CYTL1: variants seen among roughly 807,000 people sequenced by gnomAD.
The protein encoded by CYTL1 is cytokine-like protein 1.
A neutral mutation model predicts 13.1 loss-of-function variants in CYTL1; 17 were observed. The ratio of observed to expected loss-of-function variants is 1.29; its 90% confidence interval spans 0.89 to 1.94. The LOEUF is 1.94. CYTL1 is among the 30% of genes most tolerant of loss of function. The pLI, the probability that CYTL1 is intolerant of heterozygous loss-of-function variation, is 0.00. For synonymous variants in CYTL1, 91 were observed against 79.4 expected (o/e 1.15, Z -0.78); for missense variants, 213 against 174.8 (o/e 1.22, Z -1.23).
At position 5,016,723 on chromosome 4, in the gene CYTL1, C is replaced by T. The variant is rs987290441; in HGVS notation, c.327+113G>A. Reference sequence around the variant, plus strand: ...TTGTGAACTGAAAGCATCTGCGAAACATCTCTGCTCCTCTTCCTTGTCACC... The same window carrying T: ...TTGTGAACTGAAAGCATCTGCGAAATATCTCTGCTCCTCTTCCTTGTCACC... On this transcript the variant is annotated intron_variant, in intron 3 of 3. Coordinates refer to ENST00000307746, the MANE Select transcript of CYTL1 (RefSeq NM_018659.3). 33 of 1,349,442 alleles carry T rather than the reference C, an allele frequency of 2.4e-5. 1 individual carries two copies. In the South Asian group the frequency reaches 4.0e-4, roughly 16 times the overall value. The allele number at this position is 1,349,442 out of a possible 1,614,324, so 83.6% of individuals were successfully genotyped here.
Position 5,015,077 on chromosome 4 carries a change from G to T in CYTL1, c.*74C>A. On this transcript the variant is annotated 3_prime_UTR_variant, in exon 4 of 4. Transcript: ENST00000307746. ...CTAACACAAGACCTGTGAGGGTCATGGCTCTGGCCCATTAAGTCTGGGTAG... is the reference window on the plus strand; with the variant it reads ...CTAACACAAGACCTGTGAGGGTCATTGCTCTGGCCCATTAAGTCTGGGTAG... The T allele has an allele frequency of 8.3e-7, 1 of 1,201,482 alleles. No homozygotes were observed. Among genetic ancestry groups the T allele is most frequent in the Non-Finnish European group, 1.2e-6 (1 of 809,946 alleles). The allele number at this position is 1,201,482 out of a possible 1,614,324, so 74.4% of individuals were successfully genotyped here. A position where few individuals can be genotyped will look rare whatever the true frequency, so the allele number is the denominator to read the frequency against.
At chr4:5,018,339 T>C (rs751094665) in intron 1 of CYTL1, among the ~76,000 whole-genome samples, 1 of 152,208 alleles carries the variant, frequency 6.6e-6, no homozygotes, top group Non-Finnish European at 1.5e-5. Context: ...TTTTCTTCTT[T>C]GTACTTTATT....
In CYTL1 at chr4:5,015,176, G is replaced by T; in HGVS notation, c.386C>A (p.Thr129Lys). Residue 129 changes from threonine (T) to lysine (K), a missense_variant, in exon 4 of 4, where the codon ACG becomes AAG. Physicochemically the swap from Thr to Lys is moderately conservative, Grantham distance 78 (BLOSUM62 -1). Coordinates refer to ENST00000307746, the MANE Select transcript of CYTL1 (RefSeq NM_018659.3). ...NALEYPIPVT[T>K]VLPDRQR ...TTAGCGCTGACGATCTGGCAGGACC[G>T]TAGTCACTGGGATTGGGTATTCCAA... is the stretch of plus-strand genomic sequence containing the variant. 2 of 1,613,860 alleles carry T rather than the reference G, an allele frequency of 1.2e-6. No individual in the cohort carries two copies. Among genetic ancestry groups the T allele is most frequent in the Non-Finnish European group, 1.7e-6 (2 of 1,179,868 alleles).
rs374634052 is a variant in CYTL1, at chr4:5,015,142, T to A, written c.*9A>T. 30 of 1,612,762 alleles carry A rather than the reference T, an allele frequency of 1.9e-5. No individual in the cohort carries two copies. The African/African-American group carries it at 2.3e-4, about 12-fold the overall frequency. ...GTTCTCTTGGGTTCTTTCTCTGGTC[T>A]CAGTTCCCTTAGCGCTGACGATCTG... On this transcript the variant is annotated 3_prime_UTR_variant, in exon 4 of 4. Coordinates refer to ENST00000307746, the MANE Select transcript of CYTL1 (RefSeq NM_018659.3).
Position 5,019,345 on chromosome 4 carries a change from A to C in CYTL1, c.101T>G (p.Leu34Arg). 2.6e-6 allele frequency: 4 copies of C among 1,511,576 alleles called. No homozygotes were observed. The South Asian group carries it at 5.2e-5, about 20-fold the overall frequency. 93.6% of individuals were successfully genotyped at this position (1,511,576 alleles called of 1,614,324 possible). The change falls in exon 1 of 4, where the codon CTG becomes CGG. Residue 34 changes from leucine (L) to arginine (R), a missense_variant. By Grantham distance (102) the Leu-to-Arg change is moderately radical (BLOSUM62 -2). Transcript: ENST00000307746. Reference sequence around the variant, plus strand: ...GAAGTCGCGGGTGATCTCCTGGCTCAGGGCCCGCATGCGGGAGTAGCAGGT... The same window carrying C: ...GAAGTCGCGGGTGATCTCCTGGCTCCGGGCCCGCATGCGGGAGTAGCAGGT... ...PPTCYSRMRA[L>R]SQEITRDFNL...
chr4:5,017,328 T>TAG, intron 1 of CYTL1, 149 bp from the exon 2 acceptor site: 1 of 631,674 alleles, frequency 1.6e-6, no homozygotes, highest in Non-Finnish European at 2.7e-6. Flanking sequence ...TCTTGTGTCA[T>TAG]ACGTCACACT....
intron 1 of CYTL1, 55 bp from the exon 2 acceptor site, chr4:5,017,234 A>C (rs1180998635): frequency 6.3e-7 from 1 of 1,578,392 alleles, no homozygotes; most frequent in Non-Finnish European, 8.6e-7. Context: ...CCTGGTCACA[A>C]AAGTCTCCCT....
intron 3 of CYTL1, among the ~76,000 whole-genome samples, chr4:5,015,790 T>G (rs1282947660): frequency 6.6e-6 from 1 of 152,138 alleles, no homozygotes. Context: ...CTAGGCATGG[T>G]GCTAGCAATT....
At chr4:5,016,258 C>A (rs1446389358) in intron 3 of CYTL1, among the ~76,000 whole-genome samples, 2 of 152,212 alleles carry the variant, frequency 1.3e-5, no homozygotes, top group South Asian at 2.1e-4. Flanking sequence ...GACTACCCCC[C>A]AGCCTCCTCC....
At position 5,014,829 on chromosome 4, in the gene CYTL1, T is replaced by C. The variant is rs1385938401; in HGVS notation, c.*322A>G. 1 of 319,998 alleles carries C rather than the reference T, an allele frequency of 3.1e-6. No homozygotes were observed. Among genetic ancestry groups the C allele is most frequent in the East Asian group, 8.3e-5 (1 of 12,110 alleles). The allele number at this position is 319,998 out of a possible 1,614,324, so 19.8% of individuals were successfully genotyped here. A position where few individuals can be genotyped will look rare whatever the true frequency, so the allele number is the denominator to read the frequency against. On this transcript the variant is annotated 3_prime_UTR_variant, in exon 4 of 4. Transcript: ENST00000307746. ...AACCAGTAATAAAAACATACTATTG[T>C]GCAAGTTCTCAAAATAGTTGTTCAT...
chr4:5,015,273 G>A (rs754455404), intron 3 of CYTL1, 39 bp from the exon 4 acceptor site: 2 of 1,542,758 alleles, frequency 1.3e-6, no homozygotes, highest in Admixed American at 3.4e-5. Flanking sequence ...GTTACTGAAG[G>A]TGGTCACGGA....
chr4:5,015,092 A>G lies in CYTL1; in HGVS notation c.*59T>C, dbSNP rs563528458. On this transcript the variant is annotated 3_prime_UTR_variant, in exon 4 of 4. Transcript: ENST00000307746. The stretch of plus-strand genomic sequence containing the variant: ...TGAGGGTCATGGCTCTGGCCCATTA[A>G]GTCTGGGTAGCTGACATAACTGTAG... 13 of 1,400,696 alleles carry G rather than the reference A, an allele frequency of 9.3e-6. No homozygotes were observed. Among genetic ancestry groups the G allele is most frequent in the Non-Finnish European group, 1.3e-5 (13 of 989,274 alleles). The allele number at this position is 1,400,696 out of a possible 1,614,324, so 86.8% of individuals were successfully genotyped here. A position where few individuals can be genotyped will look rare whatever the true frequency, so the allele number is the denominator to read the frequency against.
rs1741060441 is a variant in CYTL1 at position 5,015,802 on chromosome 4, C to A, written c.328-568G>T. Among the ~76,000 whole-genome samples the A allele has an allele frequency of 2.0e-5, 3 of 152,134 alleles. No individual in the cohort carries two copies. In the South Asian group the frequency reaches 6.2e-4, roughly 32 times the overall value. ...GGGCTAGGCATGGTGCTAGCAATTC[C>A]ATATTTAGTCACTCTACTAGGCTTC... On this transcript the variant is annotated intron_variant, in intron 3 of 3. Transcript: ENST00000307746.
Position 5,016,842 on chromosome 4 carries a change from G to A in CYTL1, c.321C>T (p.Cys107=), listed in dbSNP as rs748276087. 6.2e-7 allele frequency: 1 copy of A among 1,614,182 alleles called. No homozygotes were observed. The highest frequency in any genetic ancestry group is 8.5e-7 in the Non-Finnish European group (1 of 1,180,026). The change falls in exon 3 of 4, where the codon TGC becomes TGT. Residue 107 remains cysteine (C), a synonymous_variant. Coordinates refer to ENST00000307746, the MANE Select transcript of CYTL1 (RefSeq NM_018659.3). Reference sequence around the variant, plus strand: ...TTCAATGGCATCCACTTACTCTCCTGCAGAACGAGTTCATGATGGTGTACA... The same window carrying A: ...TTCAATGGCATCCACTTACTCTCCTACAGAACGAGTTCATGATGGTGTACA... ...RKLYTIMNSF[C]RRDLVFLLDD...
intron 1 of CYTL1, 70 bp downstream of exon 1, chr4:5,019,223 T>TC: frequency 8.0e-7 from 1 of 1,246,170 alleles, no homozygotes; most frequent in East Asian, 2.8e-5. Flanking sequence ...CTTTTTTTTT[T>TC]CGTGTAAAGG....
rs1577594610 is a variant in CYTL1 at position 5,015,081 on chromosome 4, C to G, written c.*70G>C. On this transcript the variant is annotated 3_prime_UTR_variant, in exon 4 of 4. Coordinates refer to ENST00000307746, the MANE Select transcript of CYTL1 (RefSeq NM_018659.3). ...CACAAGACCTGTGAGGGTCATGGCT[C>G]TGGCCCATTAAGTCTGGGTAGCTGA... 1 of 1,248,328 alleles carries G rather than the reference C, an allele frequency of 8.0e-7. No homozygotes were observed. The allele number at this position is 1,248,328 out of a possible 1,614,324, so 77.3% of individuals were successfully genotyped here. A position where few individuals can be genotyped will look rare whatever the true frequency, so the allele number is the denominator to read the frequency against.
At chr4:5,018,918 C>T (rs1233693104) in intron 1 of CYTL1, among the ~76,000 whole-genome samples, 3 of 151,792 alleles carry the variant, frequency 2.0e-5, no homozygotes, top group African/African-American at 7.3e-5. Flanking sequence ...AAAAGCAATA[C>T]ACAAGCTTCA....
chr4:5,018,228 C>T (rs10937614), intron 1 of CYTL1, among the ~76,000 whole-genome samples: 98,456 of 151,916 alleles, frequency 0.65, 34,821 homozygotes, highest in East Asian at 0.96. Context: ...ACAACACACA[C>T]GTATTTGAAT....
chr4:5,015,514 G>A (rs1260501704), intron 3 of CYTL1, among the ~76,000 whole-genome samples: 1 of 152,188 alleles, frequency 6.6e-6, no homozygotes, highest in African/African-American at 2.4e-5. Flanking sequence ...GACTATGGGT[G>A]AGGGAGGGAA....
Sources: allele counts gnomAD v4.1 joint callset (sites outside exome capture counted in the v4.1 genomes callset), GRCh38; gene constraint gnomAD v4.1.1; transcripts MANE v1.5; gene names NCBI Gene and HGNC (gene_info 2026-07-23, HGNC 2026-07-21).